Variants in HS3ST2 observed in about 807,000 individuals in gnomAD.
HS3ST2 encodes heparan sulfate glucosamine 3-O-sulfotransferase 2.
A neutral mutation model predicts 26.3 loss-of-function variants in HS3ST2; 17 were observed. The ratio of observed to expected loss-of-function variants is 0.65; its 90% CI spans 0.44 to 0.97. The LOEUF is 0.97. HS3ST2 is among the 50% of genes least tolerant of loss of function. HS3ST2 has a pLI of 0.00. For synonymous variants in HS3ST2, 237 were observed against 219.2 expected, an observed-to-expected ratio of 1.08 and a Z score of -0.72; for missense variants, 402 against 501.2, an observed-to-expected ratio of 0.80 and a Z score of 1.89.
At chr16:22,857,904 C>A (rs191811551) in intron 1 of HS3ST2, among the ~76,000 whole-genome samples, 85 of 152,216 alleles carry the variant, frequency 5.6e-4, no homozygotes, top group African/African-American at 1.9e-3. Context: ...AATTAATAAG[C>A]CACTCAGTAC....
At chr16:22,909,118 A>C (rs780701474) in intron 1 of HS3ST2, among the ~76,000 whole-genome samples, 1 of 152,200 alleles carries the variant, frequency 6.6e-6, no homozygotes, top group Non-Finnish European at 1.5e-5. Flanking sequence ...ACACCTTTTT[A>C]GTCTTTGTAA....
chr16:22,836,363 G>A (rs560081736), intron 1 of HS3ST2, among the ~76,000 whole-genome samples: 1 of 152,254 alleles, frequency 6.6e-6, no homozygotes, highest in Non-Finnish European at 1.5e-5. Context: ...GACTGTACAG[G>A]AAGCACAGTG....
At chr16:22,894,060 A>G (rs569567134) in intron 1 of HS3ST2, among the ~76,000 whole-genome samples, 10 of 152,128 alleles carry the variant, frequency 6.6e-5, no homozygotes, top group Non-Finnish European at 1.5e-4. Context: ...GGCTCAAATG[A>G]TCTGCTGTCC....
At chr16:22,821,863 A>T (rs960663706) in intron 1 of HS3ST2, among the ~76,000 whole-genome samples, 2 of 152,214 alleles carry the variant, frequency 1.3e-5, no homozygotes, top group Non-Finnish European at 2.9e-5. Context: ...TTTCCAGGGC[A>T]TATGAGACAG....
intron 1 of HS3ST2, among the ~76,000 whole-genome samples, chr16:22,815,418 C>T (rs867724476): frequency 6.6e-6 from 1 of 152,188 alleles, no homozygotes; most frequent in Admixed American, 6.5e-5. Flanking sequence ...AAGGGACAGG[C>T]GAGGACCTGT....
chr16:22,858,946 A>G (rs1356724155), intron 1 of HS3ST2, among the ~76,000 whole-genome samples: 1 of 152,184 alleles, frequency 6.6e-6, no homozygotes, highest in African/African-American at 2.4e-5. Context: ...TGGGAGTATC[A>G]CTTGAAGCCA....
chr16:22,908,760 A>C (rs950144744), intron 1 of HS3ST2, among the ~76,000 whole-genome samples: 1 of 152,228 alleles, frequency 6.6e-6, no homozygotes, highest in Non-Finnish European at 1.5e-5. Context: ...CAGAGCCCGC[A>C]TGACCCAATC....
intron 1 of HS3ST2, chr16:22,833,354 G>T (rs1901204072): frequency 2.2e-6 from 1 of 455,386 alleles, no homozygotes; most frequent in Non-Finnish European, 4.4e-6. Context: ...CTGGAGACAA[G>T]AATGTGTGTC....
intron 1 of HS3ST2, among the ~76,000 whole-genome samples, chr16:22,859,940 C>A (rs11641636): frequency 0.37 from 55,907 of 151,884 alleles, 11,217 homozygotes; most frequent in Middle Eastern, 0.51. Flanking sequence ...AGCTCCCTGA[C>A]ATATTCCTCA....
intron 1 of HS3ST2, among the ~76,000 whole-genome samples, chr16:22,902,584 A>G (rs920763348): frequency 2.6e-5 from 4 of 152,242 alleles, no homozygotes; most frequent in Admixed American, 2.6e-4. Context: ...GCTGGGTTAA[A>G]GGGTATGTGC....
At chr16:22,875,650 G>A (rs1455396329) in intron 1 of HS3ST2, among the ~76,000 whole-genome samples, 1 of 152,134 alleles carries the variant, frequency 6.6e-6, no homozygotes, top group Non-Finnish European at 1.5e-5. Flanking sequence ...AAAATACTGG[G>A]ATTACAGGCA....
intron 1 of HS3ST2, among the ~76,000 whole-genome samples, chr16:22,885,784 C>T (rs1902051320): frequency 6.6e-6 from 1 of 152,036 alleles, no homozygotes; most frequent in African/African-American, 2.4e-5. Context: ...TGAAGATGCT[C>T]CTCTGCTGGG....
At chr16:22,834,251 G>A (rs911908691) in intron 1 of HS3ST2, among the ~76,000 whole-genome samples, 2 of 152,086 alleles carry the variant, frequency 1.3e-5, no homozygotes, top group African/African-American at 4.8e-5. Flanking sequence ...TACCCAAAGT[G>A]TACCCACAGT....
At chr16:22,815,276 C>T (rs939365222) in intron 1 of HS3ST2, among the ~76,000 whole-genome samples, 181 bp downstream of exon 1, 1 of 152,358 alleles carries the variant, frequency 6.6e-6, no homozygotes, top group Middle Eastern at 3.4e-3. Flanking sequence ...ATAATCTAGA[C>T]GGGCAGTTTC....
At chr16:22,906,327 C>A (rs1238032779) in intron 1 of HS3ST2, among the ~76,000 whole-genome samples, 1 of 151,390 alleles carries the variant, frequency 6.6e-6, no homozygotes, top group African/African-American at 2.4e-5. Flanking sequence ...GCCGAGATTG[C>A]GCCACTGCAC....
chr16:22,849,315 C>G (rs1291791245), intron 1 of HS3ST2, among the ~76,000 whole-genome samples: 2 of 152,130 alleles, frequency 1.3e-5, no homozygotes, highest in East Asian at 1.9e-4. Context: ...AATAAGCCAG[C>G]CCACCCAGAG....
At chr16:22,822,787 AG>A (rs1199638395) in intron 1 of HS3ST2, among the ~76,000 whole-genome samples, 12 of 151,626 alleles carry the variant, frequency 7.9e-5, no homozygotes, top group South Asian at 2.1e-4. Flanking sequence ...CCTGGGAGGC[AG>A]GGGTTGCAGT....
At chr16:22,817,036 A>G (rs1453410206) in intron 1 of HS3ST2, among the ~76,000 whole-genome samples, 3 of 152,002 alleles carry the variant, frequency 2.0e-5, no homozygotes, top group African/African-American at 7.3e-5. Flanking sequence ...GCTGCTTTTT[A>G]TTTTTAACCT....
At position 22,845,096 on chromosome 16, in the gene HS3ST2, C is replaced by T. The variant is rs796407935; in HGVS notation, c.485+30001C>T. On this transcript the variant is annotated intron_variant, in intron 1 of 1. Transcript: ENST00000261374. ...GTCTGGATCTCCTGACCTTGTGATCCGCCTGCCTCGGCCTCCCAAAGTGTT... is the reference window on the plus strand; with the variant it reads ...GTCTGGATCTCCTGACCTTGTGATCTGCCTGCCTCGGCCTCCCAAAGTGTT... Among the ~76,000 whole-genome samples the T allele has an allele frequency of 1.2e-4, 18 of 147,098 alleles. No homozygotes were observed. In the East Asian group the frequency reaches 1.6e-3, roughly 13 times the overall value.
Sources: allele counts gnomAD v4.1 joint callset (sites outside exome capture counted in the v4.1 genomes callset), GRCh38; gene constraint gnomAD v4.1.1; transcripts MANE v1.5; gene names NCBI Gene and HGNC (gene_info 2026-07-23, HGNC 2026-07-21).